RPH3A: variants seen among roughly 807,000 people sequenced by gnomAD.
RPH3A encodes the protein rabphilin-3A.
In RPH3A, 48 loss-of-function variants were observed where a neutral mutation model predicts 102.2. The observed-to-expected ratio is 0.47, with a 90% CI of 0.37 to 0.60. The LOEUF (loss-of-function observed/expected upper bound fraction) is 0.60, where lower values mean the gene tolerates loss of function less well. Ranked by LOEUF, RPH3A falls within the 20% of genes least tolerant of loss-of-function variation. The probability of loss-of-function intolerance (pLI) is 0.00; values close to 1 mark genes in which losing one functional copy is unlikely to be tolerated. For missense variants in RPH3A, 781 were observed against 910.1 expected (o/e 0.86, Z 1.83); for synonymous variants, 310 against 324.3 (o/e 0.96, Z 0.47).
chr12:112,687,605 A>G (rs1016679246), intron 1 of RPH3A, among the ~76,000 whole-genome samples: 3 of 152,232 alleles, frequency 2.0e-5, no homozygotes, highest in African/African-American at 7.2e-5. Flanking sequence ...AAGGGGGGAA[A>G]GGAATAAGCA....
intron 1 of RPH3A, among the ~76,000 whole-genome samples, chr12:112,716,101 AG>A (rs759809753): frequency 9.9e-5 from 15 of 152,116 alleles, no homozygotes; most frequent in Non-Finnish European, 2.2e-4. Context: ...GGATGACCGG[AG>A]GTTACTTTTG....
At chr12:112,615,374 A>C (rs2039670883) in intron 1 of RPH3A, among the ~76,000 whole-genome samples, 1 of 152,080 alleles carries the variant, frequency 6.6e-6, no homozygotes, top group African/African-American at 2.4e-5. Context: ...CCCCACACGC[A>C]CTGCCAGCCC....
intron 1 of RPH3A, among the ~76,000 whole-genome samples, chr12:112,577,475 T>C (rs1477656128): frequency 6.6e-6 from 1 of 152,240 alleles, no homozygotes; most frequent in Non-Finnish European, 1.5e-5. Flanking sequence ...GAGGTCACTT[T>C]GGTTGCCATC....
intron 1 of RPH3A, among the ~76,000 whole-genome samples, chr12:112,783,159 C>T (rs1259541888): frequency 6.6e-6 from 1 of 152,148 alleles, no homozygotes; most frequent in East Asian, 1.9e-4. Context: ...TTCTTCAAGC[C>T]TGCTGGATAT....
At chr12:112,765,992 G>A (rs2040886140) in intron 1 of RPH3A, among the ~76,000 whole-genome samples, 1 of 152,156 alleles carries the variant, frequency 6.6e-6, no homozygotes, top group Non-Finnish European at 1.5e-5. Flanking sequence ...CATGCTCTCA[G>A]TGCTTCTCTG....
intron 1 of RPH3A, among the ~76,000 whole-genome samples, chr12:112,592,032 G>A (rs576643299): frequency 1.1e-4 from 17 of 152,068 alleles, no homozygotes; most frequent in Non-Finnish European, 2.4e-4. Context: ...AAATCACTTC[G>A]AGATTATTTA....
At chr12:112,597,805 A>G (rs1031103852) in intron 1 of RPH3A, among the ~76,000 whole-genome samples, 4 of 152,040 alleles carry the variant, frequency 2.6e-5, no homozygotes, top group Non-Finnish European at 5.9e-5. Context: ...TAGTCTCTAT[A>G]GAAGTCTCAT....
intron 1 of RPH3A, among the ~76,000 whole-genome samples, chr12:112,666,229 G>T (rs1319449388): frequency 6.6e-6 from 1 of 152,154 alleles, no homozygotes; most frequent in Non-Finnish European, 1.5e-5. Flanking sequence ...GAACTTAATA[G>T]CTTATGTCTT....
At chr12:112,812,302 T>C (rs2041592751) in intron 2 of RPH3A, among the ~76,000 whole-genome samples, 1 of 152,182 alleles carries the variant, frequency 6.6e-6, no homozygotes, top group Non-Finnish European at 1.5e-5. Flanking sequence ...ACCAGGGTGT[T>C]AGTACCAGGA....
At chr12:112,633,065 G>A (rs1425926607) in intron 1 of RPH3A, among the ~76,000 whole-genome samples, 1 of 151,852 alleles carries the variant, frequency 6.6e-6, no homozygotes, top group Non-Finnish European at 1.5e-5. Flanking sequence ...GGTGGCACAT[G>A]TCTGTAGTCC....
intron 1 of RPH3A, among the ~76,000 whole-genome samples, chr12:112,751,900 A>T (rs1471597945): frequency 6.6e-6 from 1 of 152,182 alleles, no homozygotes; most frequent in African/African-American, 2.4e-5. Context: ...TAAAATGATG[A>T]TGTGTATGAT....
intron 1 of RPH3A, among the ~76,000 whole-genome samples, chr12:112,669,494 A>C (rs1354144098): frequency 6.6e-6 from 1 of 152,232 alleles, no homozygotes; most frequent in Non-Finnish European, 1.5e-5. Context: ...TGATTGTTTT[A>C]TTTAATTACA....
At chr12:112,713,252 C>T (rs2040493109) in intron 1 of RPH3A, among the ~76,000 whole-genome samples, 1 of 151,556 alleles carries the variant, frequency 6.6e-6, no homozygotes, top group South Asian at 2.1e-4. Flanking sequence ...TATATATAAC[C>T]TACTGCATAT....
chr12:112,660,275 G>A (rs2040040731), intron 1 of RPH3A, among the ~76,000 whole-genome samples: 1 of 152,030 alleles, frequency 6.6e-6, no homozygotes, highest in South Asian at 2.1e-4. Context: ...ATGCCACAGA[G>A]TTTATTCTAG....
intron 1 of RPH3A, among the ~76,000 whole-genome samples, chr12:112,720,182 G>A (rs527563766): frequency 7.7e-4 from 118 of 152,344 alleles, no homozygotes; most frequent in African/African-American, 2.8e-3. Context: ...TGTGGTATGT[G>A]CACATGCACG....
Position 112,868,477 on chromosome 12 carries a change from G to T in RPH3A, c.492G>T (p.Gln164His). Residue 164 changes from glutamine to histidine, a missense_variant, in exon 8 of 22, where the codon CAG (glutamine) becomes CAT (histidine). Physicochemically the swap from Gln to His is conservative, Grantham distance 24 (BLOSUM62 0). Transcript: ENST00000389385. Reference protein sequence around the residue: ...GAWFFKGFPKQVLPQPMPIKK... With the variant: ...GAWFFKGFPKHVLPQPMPIKK... ...GGTTCTTCAAAGGCTTCCCCAAACA[G>T]GTCCTCCCACAGCCTATGCCTATAA... 2.5e-6 allele frequency: 4 copies of T among 1,614,172 alleles called. No individual in the cohort carries two copies. Among genetic ancestry groups the T allele is most frequent in the South Asian group, 1.1e-5 (1 of 91,080 alleles).
At chr12:112,789,859 T>C (rs955039788), upstream of RPH3A, among the ~76,000 whole-genome samples, 45 of 124,976 alleles carry the variant, frequency 3.6e-4, no homozygotes, top group Non-Finnish European at 6.3e-4. Flanking sequence ...CAAGACCAGC[T>C]GGGGCAATAT....
chr12:112,749,161 G>A (rs1030696663), intron 1 of RPH3A, among the ~76,000 whole-genome samples: 1 of 152,204 alleles, frequency 6.6e-6, no homozygotes, highest in Non-Finnish European at 1.5e-5. Flanking sequence ...GAGAGAGAGA[G>A]TGATGTGTTG....
intron 1 of RPH3A, among the ~76,000 whole-genome samples, chr12:112,629,056 G>C (rs1225003301): frequency 1.3e-5 from 2 of 152,082 alleles, no homozygotes; most frequent in African/African-American, 2.4e-5. Context: ...TGGTGTTTAG[G>C]ATAATTTAAA....
Sources: allele counts gnomAD v4.1 joint callset (sites outside exome capture counted in the v4.1 genomes callset), GRCh38; gene constraint gnomAD v4.1.1; transcripts MANE v1.5; gene names NCBI Gene and HGNC (gene_info 2026-07-23, HGNC 2026-07-21).